Variants in LRP1B observed in about 807,000 individuals in gnomAD.
The protein encoded by LRP1B is low-density lipoprotein receptor-related protein 1B.
LRP1B carries 217 observed loss-of-function variants against 556.6 expected under a neutral mutation model. The observed-to-expected ratio is 0.39, with a 90% CI of 0.35 to 0.44. The LOEUF is 0.44. Ranked by LOEUF, LRP1B falls within the 20% of genes least tolerant of loss-of-function variation. LRP1B has a pLI of 1.00. For missense variants in LRP1B, 5,053 were observed against 5,620.8 expected, an observed-to-expected ratio of 0.90 and a Z score of 3.23; for synonymous variants, 2,047 against 1,865.8, an observed-to-expected ratio of 1.10 and a Z score of -2.50.
At chr2:140,735,736 T>G (rs1573640967) in intron 35 of LRP1B, among the ~76,000 whole-genome samples, 1 of 152,274 alleles carries the variant, frequency 6.6e-6, no homozygotes, top group East Asian at 1.9e-4. Context: ...GGTTTCCCTT[T>G]AGGACATGCA....
At chr2:142,032,004 A>G (rs966391050) in intron 1 of LRP1B, among the ~76,000 whole-genome samples, 1 of 151,846 alleles carries the variant, frequency 6.6e-6, no homozygotes, top group Admixed American at 6.6e-5. Flanking sequence ...CTTTGAACAT[A>G]TCCTTCCCTA....
At chr2:141,403,137 A>G (rs1040367710) in intron 3 of LRP1B, among the ~76,000 whole-genome samples, 9 of 152,136 alleles carry the variant, frequency 5.9e-5, no homozygotes, top group African/African-American at 1.9e-4. Context: ...CCCACTATGA[A>G]GAACCTGTGT....
At chr2:141,680,279 TG>T (rs1691056087) in intron 2 of LRP1B, among the ~76,000 whole-genome samples, 1 of 152,140 alleles carries the variant, frequency 6.6e-6, no homozygotes, top group Admixed American at 6.6e-5. Flanking sequence ...TGAAGAATTG[TG>T]AAGTCAAGAA....
At chr2:140,655,641 T>A (rs1298547393) in intron 41 of LRP1B, among the ~76,000 whole-genome samples, 1 of 152,158 alleles carries the variant, frequency 6.6e-6, no homozygotes, top group Admixed American at 6.5e-5. Flanking sequence ...TACCTCATAT[T>A]TCTTAATTAA....
At chr2:141,758,090 A>G (rs1034538640) in intron 2 of LRP1B, among the ~76,000 whole-genome samples, 4 of 152,202 alleles carry the variant, frequency 2.6e-5, no homozygotes, top group African/African-American at 9.6e-5. Flanking sequence ...TATGCAAATC[A>G]TATGTAGGCC....
intron 3 of LRP1B, among the ~76,000 whole-genome samples, chr2:141,380,939 C>G (rs1689616572): frequency 6.6e-6 from 1 of 151,946 alleles, no homozygotes; most frequent in African/African-American, 2.4e-5. Flanking sequence ...AGGTTCCTGT[C>G]TTATATAAAC....
At chr2:141,849,138 A>G (rs955496298) in intron 1 of LRP1B, among the ~76,000 whole-genome samples, 1 of 151,592 alleles carries the variant, frequency 6.6e-6, no homozygotes, top group African/African-American at 2.4e-5. Context: ...TTGTGCTACT[A>G]TCAATTGTTT....
At chr2:141,311,537 T>G (rs534555480) in intron 3 of LRP1B, among the ~76,000 whole-genome samples, 1 of 152,288 alleles carries the variant, frequency 6.6e-6, no homozygotes, top group South Asian at 2.1e-4. Context: ...CTTAATCATA[T>G]GCAATTAGAC....
chr2:141,080,060 T>A (rs775980795), intron 7 of LRP1B, among the ~76,000 whole-genome samples: 1 of 152,244 alleles, frequency 6.6e-6, no homozygotes, highest in Admixed American at 6.5e-5. Context: ...ATAAGCTATA[T>A]GCTAAATAGA....
At chr2:141,244,682 T>C (rs1288761416) in intron 5 of LRP1B, among the ~76,000 whole-genome samples, 1 of 152,276 alleles carries the variant, frequency 6.6e-6, no homozygotes, top group Non-Finnish European at 1.5e-5. Context: ...TCACTTCCCA[T>C]AAATATGAGA....
chr2:141,416,393 A>G (rs2104954113), intron 3 of LRP1B, among the ~76,000 whole-genome samples: 1 of 152,144 alleles, frequency 6.6e-6, no homozygotes, highest in African/African-American at 2.4e-5. Flanking sequence ...GGCAAGACAT[A>G]AGCTGCTTAG....
chr2:140,377,643 T>G (rs1683293740), intron 68 of LRP1B, among the ~76,000 whole-genome samples: 1 of 152,180 alleles, frequency 6.6e-6, no homozygotes, highest in South Asian at 2.1e-4. Context: ...TATAGAATTA[T>G]CCAGAGGATT....
intron 41 of LRP1B, among the ~76,000 whole-genome samples, chr2:140,607,235 T>C (rs1682900173): frequency 1.3e-5 from 2 of 152,082 alleles, no homozygotes; most frequent in African/African-American, 4.8e-5. Context: ...ATAATCACAC[T>C]TGATATTCAT....
intron 3 of LRP1B, among the ~76,000 whole-genome samples, chr2:141,355,420 C>A (rs745734167): frequency 1.5e-4 from 23 of 152,078 alleles, no homozygotes; most frequent in South Asian, 2.1e-4. Context: ...AGAACATTTT[C>A]GACATGCCCC....
rs114550230 is a variant in LRP1B, at chr2:141,799,586, G to A, written c.205+10693C>T. On this transcript the variant is annotated intron_variant, in intron 2 of 90. Transcript: ENST00000389484. ...GGCTGATTCTTCCTCACACCCTCTCGATAAGTCCCCAGCCTGAGGGAGTCC... is the reference window on the plus strand; with the variant it reads ...GGCTGATTCTTCCTCACACCCTCTCAATAAGTCCCCAGCCTGAGGGAGTCC... Among the ~76,000 whole-genome samples the A allele has an allele frequency of 4.5e-3, 682 of 152,146 alleles. 6 individuals are homozygous for A. The highest frequency in any genetic ancestry group is 0.016 in the African/African-American group (650 of 41,526).
intron 1 of LRP1B, among the ~76,000 whole-genome samples, chr2:141,850,829 C>T (rs1191021885): frequency 6.6e-6 from 1 of 151,622 alleles, no homozygotes; most frequent in African/African-American, 2.4e-5. Context: ...TACAGTTATT[C>T]TTATTTGATG....
intron 3 of LRP1B, among the ~76,000 whole-genome samples, chr2:141,339,002 T>A (rs534991921): frequency 1.3e-5 from 2 of 152,176 alleles, no homozygotes; most frequent in African/African-American, 4.8e-5. Flanking sequence ...TCTTGTTGCT[T>A]GCTTGCATTT....
intron 1 of LRP1B, among the ~76,000 whole-genome samples, chr2:141,962,664 C>A (rs984776885): frequency 6.6e-6 from 1 of 151,604 alleles, no homozygotes; most frequent in Non-Finnish European, 1.5e-5. Flanking sequence ...AAGAGTATGG[C>A]GAGAGACTCA....
chr2:140,796,114 C>T (rs916872227), intron 32 of LRP1B, among the ~76,000 whole-genome samples: 6 of 151,886 alleles, frequency 4.0e-5, no homozygotes, highest in African/African-American at 7.3e-5. Flanking sequence ...TTTTCAAATT[C>T]GTTCATTTTT....
Sources: allele counts gnomAD v4.1 joint callset (sites outside exome capture counted in the v4.1 genomes callset), GRCh38; gene constraint gnomAD v4.1.1; transcripts MANE v1.5; gene names NCBI Gene and HGNC (gene_info 2026-07-23, HGNC 2026-07-21).